TIAM1: variants seen among roughly 807,000 people sequenced by gnomAD.
The protein encoded by TIAM1 is TIAM Rac1 associated GEF 1, also known as rho guanine nucleotide exchange factor TIAM1.
Under a neutral mutation model 163.5 loss-of-function variants are expected in TIAM1, and 65 were observed. That is an observed-to-expected ratio of 0.40 (90% CI 0.33 to 0.49). The LOEUF (loss-of-function observed/expected upper bound fraction) is 0.49. TIAM1 is among the 20% of genes least tolerant of loss of function. The pLI is 0.77. For missense variants in TIAM1, 1,789 were observed against 2,044.7 expected, an observed-to-expected ratio of 0.87 and a Z score of 2.41; for synonymous variants, 833 against 810.1, an observed-to-expected ratio of 1.03 and a Z score of -0.48.
rs1035958525 is a variant in TIAM1, at chr21:31,119,437, C to A, written c.*931G>T. On this transcript the variant is annotated 3_prime_UTR_variant, in exon 28 of 28. Transcript: ENST00000541036. Reference sequence around the variant, plus strand: ...CACCGGGGTGTCATGTTTAATCCAACCAAACTCCCATCTCAAATATAGATT... The same window carrying A: ...CACCGGGGTGTCATGTTTAATCCAAACAAACTCCCATCTCAAATATAGATT... 1 of 151,900 alleles carries A rather than the reference C, an allele frequency of 6.6e-6. No individual in the cohort carries two copies. The highest frequency in any genetic ancestry group is 1.5e-5 in the Non-Finnish European group (1 of 67,966). 9.4% of individuals were successfully genotyped at this position (151,900 alleles called of 1,614,324 possible). A position where few individuals can be genotyped will look rare whatever the true frequency, so the allele number is the denominator to read the frequency against.
At chr21:31,176,402 T>C (rs80097532) in intron 15 of TIAM1, among the ~76,000 whole-genome samples, 1,925 of 151,966 alleles carry the variant, frequency 0.013, 44 homozygotes, top group African/African-American at 0.044. Context: ...CCTACCAATA[T>C]GTATGAAAAC....
chr21:31,374,431 A>T (rs149144278), intron 2 of TIAM1, among the ~76,000 whole-genome samples: 1 of 152,118 alleles, frequency 6.6e-6, no homozygotes, highest in Non-Finnish European at 1.5e-5. Flanking sequence ...AATATTCTGC[A>T]TCTGTCCCTC....
chr21:31,195,289 T>A lies in TIAM1; in HGVS notation c.2510A>T (p.Glu837Val). 6.2e-7 allele frequency: 1 copy of A among 1,612,850 alleles called. No individual in the cohort carries two copies. Reference sequence around the variant, plus strand: ...GCTCTGAGTGACTTTTGGACAGATTTCAATTTCTTTGTACAGCTGAAAGTT... The same window carrying A: ...GCTCTGAGTGACTTTTGGACAGATTACAATTTCTTTGTACAGCTGAAAGTT... ...DIYELLYKEI[E>V]ICPKVTQSIH... Residue 837 changes from glutamate (E) to valine (V), a missense_variant, in exon 13 of 28, where the codon GAA becomes GTA. Transcript: ENST00000541036.
At chr21:31,160,035 G>A (rs754636631) in intron 16 of TIAM1, among the ~76,000 whole-genome samples, 2 of 152,220 alleles carry the variant, frequency 1.3e-5, no homozygotes, top group South Asian at 2.1e-4. Context: ...CCTCCCTGCC[G>A]ATCACTCGGA....
At chr21:31,357,811 T>C (rs1291232695) in intron 2 of TIAM1, among the ~76,000 whole-genome samples, 1 of 152,218 alleles carries the variant, frequency 6.6e-6, no homozygotes, top group Non-Finnish European at 1.5e-5. Context: ...CTTGACCTAT[T>C]CTATCAGCAG....
intron 11 of TIAM1, among the ~76,000 whole-genome samples, chr21:31,209,069 C>T (rs909530615): frequency 2.0e-5 from 3 of 152,014 alleles, no homozygotes; most frequent in Admixed American, 1.3e-4. Flanking sequence ...TCTGAGAGTT[C>T]TTGTGGACAC....
intron 27 of TIAM1, 125 bp downstream of exon 27, chr21:31,124,397 G>A (rs573817522): frequency 1.1e-4 from 157 of 1,372,242 alleles, no homozygotes; most frequent in Admixed American, 6.0e-4. Flanking sequence ...GGGAAAAACC[G>A]TCCTCCTACA....
At chr21:31,393,044 C>G (rs1366453946) in intron 2 of TIAM1, among the ~76,000 whole-genome samples, 8 of 151,778 alleles carry the variant, frequency 5.3e-5, no homozygotes, top group Admixed American at 5.3e-4. Flanking sequence ...CAACTTCCCC[C>G]TCCTGGGCGC....
At chr21:31,194,378 A>T (rs2085743126) in intron 13 of TIAM1, among the ~76,000 whole-genome samples, 1 of 152,154 alleles carries the variant, frequency 6.6e-6, no homozygotes, top group Non-Finnish European at 1.5e-5. Context: ...CCACCAAAAT[A>T]GTTCCTTTAA....
chr21:31,348,096 ACTCT>A (rs145675371), upstream of TIAM1, among the ~76,000 whole-genome samples: 12,520 of 151,708 alleles, frequency 0.083, 971 homozygotes, highest in East Asian at 0.42. Context: ...TAGCTTGCTC[ACTCT>A]CTCTCTCTAT....
chr21:31,199,068 A>C (rs2250869), intron 12 of TIAM1, among the ~76,000 whole-genome samples: 14 of 152,220 alleles, frequency 9.2e-5, no homozygotes, highest in Admixed American at 2.6e-4. Flanking sequence ...TTATTAAATC[A>C]ATAATGTTGC....
chr21:31,495,337 C>A (rs2046604192), intron 1 of TIAM1, among the ~76,000 whole-genome samples: 1 of 152,184 alleles, frequency 6.6e-6, no homozygotes, highest in African/African-American at 2.4e-5. Flanking sequence ...CTGGGGAGAA[C>A]TGCTTTCTGC....
chr21:31,505,748 T>G (rs13051180), intron 1 of TIAM1, among the ~76,000 whole-genome samples: 20,151 of 152,166 alleles, frequency 0.13, 1,549 homozygotes, highest in Non-Finnish European at 0.17. Context: ...ATTTTTTTTG[T>G]AATCCTAGCA....
rs149382680 is a variant in TIAM1 at position 31,536,263 on chromosome 21, C to T, written c.-422+22664G>A. 5.3e-5 allele frequency among the ~76,000 whole-genome samples: 8 copies of T among 152,302 alleles called. No individual in the cohort carries two copies. In the East Asian group the frequency reaches 1.4e-3, roughly 26 times the overall value. ...GAGGCATAAGGCAAATTGCATCGTC[C>T]GAGGTCATTCTATTCATAAGTGGCT... On this transcript the variant is annotated intron_variant, in intron 1 of 28. Transcript: ENST00000286827.
chr21:31,515,133 C>A (rs1235914073), intron 1 of TIAM1, among the ~76,000 whole-genome samples: 1 of 152,158 alleles, frequency 6.6e-6, no homozygotes, highest in East Asian at 1.9e-4. Context: ...CCTTTGTTAT[C>A]CACCTTTTAC....
chr21:31,189,762 G>A (rs2085467048), intron 13 of TIAM1, among the ~76,000 whole-genome samples: 1 of 151,966 alleles, frequency 6.6e-6, no homozygotes, highest in Admixed American at 6.6e-5. Flanking sequence ...CCAATACTTT[G>A]CACACTGGGG....
intron 1 of TIAM1, among the ~76,000 whole-genome samples, chr21:31,500,934 T>C (rs868298521): frequency 3.3e-5 from 5 of 152,178 alleles, no homozygotes; most frequent in Admixed American, 6.5e-5. Flanking sequence ...CCTCCTCCCC[T>C]CTACAAAAAC....
intron 13 of TIAM1, among the ~76,000 whole-genome samples, chr21:31,188,086 A>C (rs994004800): frequency 3.3e-5 from 5 of 152,124 alleles, no homozygotes; most frequent in Admixed American, 6.5e-5. Context: ...AGAATTTTGT[A>C]AGATTGGGTT....
At position 31,120,743 on chromosome 21, in the gene TIAM1, C is replaced by T. The variant is rs753140945; in HGVS notation, c.4401G>A (p.Pro1467=). ...CGGGGGGCTGCTGGGACTCTTTCTCCGGGCTGCTTGCGGAGACGGCATCAG... is the reference window on the plus strand; with the variant it reads ...CGGGGGGCTGCTGGGACTCTTTCTCTGGGCTGCTTGCGGAGACGGCATCAG... ...IDSDAVSASS[P]EKESQQPPGG... Residue 1467 remains proline (P), a synonymous_variant, in exon 28 of 28, where the codon CCG becomes CCA. Transcript: ENST00000541036. This position sits in a 1 kb window ranked among gnomAD's most constrained non-coding sequence, Gnocchi z 4.2. 2.9e-5 allele frequency: 47 copies of T among 1,613,972 alleles called. No homozygotes were observed. The highest frequency in any genetic ancestry group is 2.2e-4 in the Admixed American group (13 of 60,006).
Sources: gnomAD v4.1 joint callset for allele counts (sites outside exome capture counted in the v4.1 genomes callset) on GRCh38, gnomAD v4.1.1 for gene constraint, Gnocchi (gnomAD v3.1) non-coding constraint, MANE v1.5 for transcripts, NCBI Gene and HGNC (gene_info 2026-07-23, HGNC 2026-07-21) for gene names.